The following APPL1 variants were observed in gnomAD, a reference collection of about 807,000 sequenced individuals.
APPL1 encodes DCC-interacting protein 13-alpha.
APPL1 carries 42 observed loss-of-function variants against 106.8 expected under a neutral mutation model. The ratio of observed to expected loss-of-function variants is 0.39; its 90% confidence interval spans 0.31 to 0.51. The LOEUF (loss-of-function observed/expected upper bound fraction) is 0.51. Among genes scored for constraint, APPL1 ranks in the 20% least tolerant of loss-of-function variants. The pLI, the probability that APPL1 is intolerant of heterozygous loss-of-function variation, is 0.75. For missense variants in APPL1, 769 were observed against 858.2 expected (o/e 0.90, Z 1.30); for synonymous variants, 263 against 281.8 (o/e 0.93, Z 0.67).
intron 5 of APPL1, 140 bp downstream of exon 5, chr3:57,240,692 A>C: frequency 1.5e-6 from 1 of 661,380 alleles, no homozygotes; most frequent in Non-Finnish European, 2.6e-6. Flanking sequence ...CATTTATAGG[A>C]GCTCCTGCTA....
chr3:57,253,122 G>A (rs1178343305), intron 12 of APPL1, among the ~76,000 whole-genome samples: 4 of 152,118 alleles, frequency 2.6e-5, no homozygotes, highest in African/African-American at 7.2e-5. Context: ...TTGAATCCTC[G>A]AGAGTGAAGC....
rs540432944 is a variant in APPL1 at position 57,266,918 on chromosome 3, T to C, written c.1843-824T>C. Among the ~76,000 whole-genome samples, 5 of 152,306 alleles carry C rather than the reference T, an allele frequency of 3.3e-5. No homozygotes were observed. The South Asian group carries it at 6.2e-4, about 19-fold the overall frequency. On this transcript the variant is annotated intron_variant, in intron 19 of 21. Transcript: ENST00000288266. ...AGTTGGCTGTAAACAAGTGGCTTCG[T>C]TCCTGGGTTCTCTATTCTGTTCCAT...
intron 6 of APPL1, 148 bp from the exon 7 acceptor site, chr3:57,242,708 T>C (rs962349893): frequency 1.6e-6 from 1 of 606,944 alleles, no homozygotes; most frequent in Non-Finnish European, 2.9e-6. Context: ...GAAATTTGGC[T>C]GTGGGGAAAA....
chr3:57,253,973 C>T (rs1233214509), intron 13 of APPL1, among the ~76,000 whole-genome samples: 1 of 151,968 alleles, frequency 6.6e-6, no homozygotes, highest in Non-Finnish European at 1.5e-5. Flanking sequence ...AGCGATTCTC[C>T]TGCTTCAGCC....
intron 1 of APPL1, among the ~76,000 whole-genome samples, chr3:57,230,495 G>T (rs968063326): frequency 2.0e-5 from 3 of 151,520 alleles, no homozygotes; most frequent in African/African-American, 4.9e-5. Flanking sequence ...TGTGCATAAT[G>T]ATCTTTATCC....
intron 12 of APPL1, among the ~76,000 whole-genome samples, chr3:57,253,078 A>G (rs984017343): frequency 6.6e-6 from 1 of 152,178 alleles, no homozygotes; most frequent in Admixed American, 6.5e-5. Context: ...GCCAAACAAA[A>G]TATTTGTTTA....
intron 13 of APPL1, among the ~76,000 whole-genome samples, chr3:57,254,684 G>GCC (rs1216742686): frequency 2.8e-4 from 43 of 152,312 alleles, no homozygotes; most frequent in African/African-American, 9.1e-4. Flanking sequence ...GAGTGCAGTG[G>GCC]TGCTATCTCA....
At chr3:57,260,596 C>A in intron 18 of APPL1, 32 bp from the exon 19 acceptor site, 3 of 1,584,240 alleles carry the variant, frequency 1.9e-6, no homozygotes, top group Non-Finnish European at 2.6e-6. Context: ...CTTGTAAGAT[C>A]TCATGTTTGC....
chr3:57,272,458 A>AGAT lies in APPL1; in HGVS notation c.*2772_*2774dup, dbSNP rs1451443207. 2.6e-5 allele frequency: 4 copies of AGAT among 152,282 alleles called. No homozygotes were observed. The highest frequency in any genetic ancestry group is 9.6e-5 in the African/African-American group (4 of 41,574). The allele number at this position is 152,282 out of a possible 1,614,324, so 9.4% of individuals were successfully genotyped here. A position where few individuals can be genotyped will look rare whatever the true frequency, so the allele number is the denominator to read the frequency against. The stretch of plus-strand genomic sequence containing the variant: ...GTCAGTAGGATGTGCATCCTAGGGA[A>AGAT]GATAAAATCGTATATGGTAAAGGCA... On this transcript the variant is annotated 3_prime_UTR_variant, in exon 22 of 22. Coordinates refer to ENST00000288266, the MANE Select transcript of APPL1 (RefSeq NM_012096.3).
In APPL1 at chr3:57,228,400, C is replaced by T. The variant is rs2060665244; in HGVS notation, c.54+463C>T. On this transcript the variant is annotated intron_variant, in intron 1 of 21. Transcript: ENST00000288266. The surrounding 1 kb of genome is among the most constrained non-coding windows in gnomAD (Gnocchi z 4.6). ...ATGGATCGTTTTTCTTTGGGAGAGG[C>T]TGTAAGGTTGTGTGTGGAGCCCTAA... Among the ~76,000 whole-genome samples, 1 of 152,174 alleles carries T rather than the reference C, an allele frequency of 6.6e-6. No homozygotes were observed. The highest frequency in any genetic ancestry group is 2.4e-5 in the African/African-American group (1 of 41,446).
chr3:57,230,999 G>A (rs903727145), intron 1 of APPL1, among the ~76,000 whole-genome samples: 17 of 151,886 alleles, frequency 1.1e-4, no homozygotes, highest in Non-Finnish European at 2.5e-4. Flanking sequence ...CCGGGTTCAA[G>A]TGATTCTGCT....
At chr3:57,263,093 C>T (rs952351521) in intron 19 of APPL1, among the ~76,000 whole-genome samples, 4 of 151,980 alleles carry the variant, frequency 2.6e-5, no homozygotes, top group Non-Finnish European at 4.4e-5. Context: ...TCAGATGATC[C>T]GCCTGCCTCG....
intron 19 of APPL1, among the ~76,000 whole-genome samples, chr3:57,262,281 C>G (rs2060870335): frequency 6.7e-6 from 1 of 150,212 alleles, no homozygotes; most frequent in Admixed American, 6.6e-5. Flanking sequence ...TTTTTATTGC[C>G]TATACTTTTG....
Position 57,269,705 on chromosome 3 carries a change from A to AT in APPL1, c.*19dup, listed in dbSNP as rs1559516850. 1 of 1,612,354 alleles carries AT rather than the reference A, an allele frequency of 6.2e-7. No homozygotes were observed. The highest frequency in any genetic ancestry group is 1.1e-5 in the South Asian group (1 of 90,724). On this transcript the variant is annotated 3_prime_UTR_variant, in exon 22 of 22. Transcript: ENST00000288266. ...AAGCATAAGCTTATACTTTTGGTAG[A>AT]TATTCCCCCTTGGAATTTGACAGTT...
At chr3:57,255,148 G>T (rs1387312391) in intron 13 of APPL1, among the ~76,000 whole-genome samples, 1 of 152,202 alleles carries the variant, frequency 6.6e-6, no homozygotes, top group Admixed American at 6.5e-5. Context: ...GAACCCAGGG[G>T]TACAGAGAAT....
At chr3:57,251,959 A>G (rs1027189457) in intron 11 of APPL1, among the ~76,000 whole-genome samples, 5 of 152,152 alleles carry the variant, frequency 3.3e-5, no homozygotes, top group Admixed American at 1.3e-4. Flanking sequence ...TATGAAATAT[A>G]TATGATAAGT....
chr3:57,261,574 A>T lies in APPL1; in HGVS notation c.1842+800A>T, dbSNP rs185561969. Among the ~76,000 whole-genome samples the T allele has an allele frequency of 1.3e-3, 198 of 152,292 alleles. 1 individual carries two copies. The highest frequency in any genetic ancestry group is 1.4e-3 in the Non-Finnish European group (96 of 68,022). ...CACTCTGTCGCCCAGGCTGGAATGC[A>T]GTGGTGCGATCTTGGCTCACTGCAA... is the stretch of plus-strand genomic sequence containing the variant. On this transcript the variant is annotated intron_variant, in intron 19 of 21. Transcript: ENST00000288266.
Position 57,269,761 on chromosome 3 carries a change from A to G in APPL1, c.*74A>G. ...GGTGAAATGGCAGAAGGTAACAACT[A>G]TGTTGAAATATCAAGGAGGAGATTA... is the stretch of plus-strand genomic sequence containing the variant. On this transcript the variant is annotated 3_prime_UTR_variant, in exon 22 of 22. Coordinates refer to ENST00000288266, the MANE Select transcript of APPL1 (RefSeq NM_012096.3). 6.7e-7 allele frequency: 1 copy of G among 1,484,778 alleles called. No homozygotes were observed. Among genetic ancestry groups the G allele is most frequent in the Non-Finnish European group, 9.3e-7 (1 of 1,075,370 alleles). The allele number at this position is 1,484,778 out of a possible 1,614,324, so 92.0% of individuals were successfully genotyped here. A position where few individuals can be genotyped will look rare whatever the true frequency, so the allele number is the denominator to read the frequency against.
intron 8 of APPL1, 61 bp from the exon 9 acceptor site, chr3:57,247,334 C>CT (rs2060779367): frequency 9.8e-6 from 9 of 920,576 alleles, no homozygotes; most frequent in Admixed American, 2.1e-5. Context: ...ATATGATTTA[C>CT]TTTAAGTATT....
Sources: allele counts gnomAD v4.1 joint callset (sites outside exome capture counted in the v4.1 genomes callset), GRCh38; gene constraint gnomAD v4.1.1; non-coding constraint Gnocchi (gnomAD v3.1); transcripts MANE v1.5; gene names NCBI Gene and HGNC (gene_info 2026-07-23, HGNC 2026-07-21).